The following RBKS variants were observed in gnomAD, a reference collection of about 807,000 sequenced individuals.
RBKS encodes the protein ribokinase.
Under a neutral mutation model 33.9 loss-of-function variants are expected in RBKS, and 33 were observed. The observed-to-expected ratio is 0.97, with a 90% confidence interval of 0.74 to 1.30. RBKS has a LOEUF of 1.30. Ranked by LOEUF, RBKS falls within the 50% of genes most tolerant of loss-of-function variation. The pLI, the probability that RBKS is intolerant of heterozygous loss-of-function variation, is 0.00. For synonymous variants in RBKS, 125 were observed against 143.0 expected (o/e 0.87, Z 0.90); for missense variants, 361 against 392.6 (o/e 0.92, Z 0.68).
At chr2:27,789,921 G>GTGTGTGTATATATATATATGTATA (rs1558532935) in intron 7 of RBKS, among the ~76,000 whole-genome samples, 3 of 127,282 alleles carry the variant, frequency 2.4e-5, no homozygotes, top group Non-Finnish European at 3.3e-5. Flanking sequence ...GTGTGTTTGT[G>GTGTGTGTATATATATATATGTATA]TGTGTATATA....
chr2:27,861,426 C>T (rs1663982056), intron 1 of RBKS: 2 of 465,976 alleles, frequency 4.3e-6, no homozygotes, highest in Non-Finnish European at 8.9e-6. Context: ...ATCTTGCCCA[C>T]TGCACTCCCA....
Position 27,804,377 on chromosome 2 carries a change from C to T in RBKS, c.796-22589G>A, listed in dbSNP as rs929850537. On this transcript the variant is annotated intron_variant, in intron 7 of 7. Coordinates refer to ENST00000302188, the MANE Select transcript of RBKS (RefSeq NM_022128.3). ...ACTCATTAACAGTCACTCCCCATTC[C>T]TCCCAACCATCCACAGGCCTAGGAA... is the stretch of plus-strand genomic sequence containing the variant. 1.3e-4 allele frequency among the ~76,000 whole-genome samples: 20 copies of T among 152,304 alleles called. 1 individual carries two copies. The highest frequency in any genetic ancestry group is 4.1e-4 in the African/African-American group (17 of 41,550).
chr2:27,833,343 T>C (rs921330133), intron 5 of RBKS, among the ~76,000 whole-genome samples: 3 of 152,146 alleles, frequency 2.0e-5, no homozygotes, highest in Admixed American at 6.6e-5. Flanking sequence ...TGCAAACATA[T>C]GCACTTACAC....
At chr2:27,794,493 T>G (rs1318363098) in intron 7 of RBKS, among the ~76,000 whole-genome samples, 1 of 151,892 alleles carries the variant, frequency 6.6e-6, no homozygotes, top group East Asian at 1.9e-4. Flanking sequence ...CGGGGTAGAC[T>G]GAAGTGAAGC....
At chr2:27,807,455 C>A (rs1389923332) in intron 7 of RBKS, among the ~76,000 whole-genome samples, 1 of 152,146 alleles carries the variant, frequency 6.6e-6, no homozygotes, top group African/African-American at 2.4e-5. Flanking sequence ...TCACGGCTCA[C>A]TGCAGCTTTG....
chr2:27,822,530 C>T (rs1340753169), intron 7 of RBKS, among the ~76,000 whole-genome samples: 1 of 152,210 alleles, frequency 6.6e-6, no homozygotes, highest in Non-Finnish European at 1.5e-5. Context: ...ACCTGGGAAA[C>T]CTGCAAGTAA....
Position 27,847,086 on chromosome 2 carries a change from T to G in RBKS, c.305A>C (p.Lys102Thr). The G allele has an allele frequency of 1.9e-6, 3 of 1,602,956 alleles. No homozygotes were observed. Among genetic ancestry groups the G allele is most frequent in the Non-Finnish European group, 2.6e-6 (3 of 1,170,374 alleles). ...DISTEFTYQT[K>T]DAATGTASII... is the part of the protein sequence containing the mutation. The stretch of plus-strand genomic sequence containing the variant: ...AGAAGCAGTTCCTGTAGCAGCATCT[T>G]TAGTCTGATATGTAAATTCTGAAAG... The change falls in exon 4 of 8, where the codon AAA becomes ACA. Residue 102 changes from lysine (K) to threonine (T), a missense_variant. Transcript: ENST00000302188.
rs1161206494 is a variant in RBKS, at chr2:27,783,975, C to CTTTTTT, written c.796-2193_796-2188dup. ...ATTCAACAGCTCTCAGGGTCATTTT[C>CTTTTTT]TTTTTTTTTTTTTTTTTTTTTTTTT... On this transcript the variant is annotated intron_variant, in intron 7 of 7. Coordinates refer to ENST00000302188, the MANE Select transcript of RBKS (RefSeq NM_022128.3). Among the ~76,000 whole-genome samples, 12 of 55,312 alleles carry CTTTTTT rather than the reference C, an allele frequency of 2.2e-4. 3 individuals are homozygous for CTTTTTT. The highest frequency in any genetic ancestry group is 7.7e-4 in the South Asian group (1 of 1,302). The allele number at this position is 55,312 out of a possible 152,430, so 36.3% of individuals were successfully genotyped here. A position where few individuals can be genotyped will look rare whatever the true frequency, so the allele number is the denominator to read the frequency against.
intron 7 of RBKS, among the ~76,000 whole-genome samples, chr2:27,820,459 T>C (rs1190726567): frequency 1.3e-5 from 2 of 152,224 alleles, no homozygotes; most frequent in Admixed American, 6.5e-5. Flanking sequence ...TTTTTGGTTA[T>C]TGCAAACAAA....
Position 27,815,133 on chromosome 2 carries a change from A to G in RBKS, c.795+12434T>C, listed in dbSNP as rs557806281. 2.6e-5 allele frequency among the ~76,000 whole-genome samples: 4 copies of G among 152,224 alleles called. No homozygotes were observed. In the South Asian group the frequency reaches 8.3e-4, roughly 32 times the overall value. On this transcript the variant is annotated intron_variant, in intron 7 of 7. Transcript: ENST00000302188. Reference sequence around the variant, plus strand: ...TTCTATTTCCTTGTCCAACTCCATCAGCAGCAATGGGCATTGAGGGCAGTG... The same window carrying G: ...TTCTATTTCCTTGTCCAACTCCATCGGCAGCAATGGGCATTGAGGGCAGTG...
intron 7 of RBKS, among the ~76,000 whole-genome samples, chr2:27,822,410 T>C (rs919590629): frequency 6.6e-6 from 1 of 152,156 alleles, no homozygotes; most frequent in Non-Finnish European, 1.5e-5. Flanking sequence ...TTTTCAAAGA[T>C]TGAACTGTCA....
rs371699022 is a variant in RBKS at position 27,805,191 on chromosome 2, T to TA, written c.795+22375dup. 4.0e-3 allele frequency among the ~76,000 whole-genome samples: 602 copies of TA among 152,334 alleles called. 4 individuals carry two copies. Among genetic ancestry groups the TA allele is most frequent in the African/African-American group, 0.014 (576 of 41,566 alleles). On this transcript the variant is annotated intron_variant, in intron 7 of 7. Transcript: ENST00000302188. Reference sequence around the variant, plus strand: ...TACACTAACGATAGCTGATGAGGTTTAAAAAATCGCAGAAAAATTCTCATA... The same window carrying TA: ...TACACTAACGATAGCTGATGAGGTTTAAAAAAATCGCAGAAAAATTCTCATA...
intron 1 of RBKS, among the ~76,000 whole-genome samples, chr2:27,877,592 G>A (rs1664338437): frequency 1.3e-5 from 2 of 151,950 alleles, no homozygotes; most frequent in South Asian, 4.2e-4. Context: ...CCCAATAAAA[G>A]TAGTAAGCAT....
At chr2:27,834,683 CCA>C (rs1343811670) in intron 5 of RBKS, among the ~76,000 whole-genome samples, 1 of 152,132 alleles carries the variant, frequency 6.6e-6, no homozygotes, top group Admixed American at 6.6e-5. Flanking sequence ...TATACTGTTC[CCA>C]GTTTTCCTCA....
intron 1 of RBKS, among the ~76,000 whole-genome samples, chr2:27,878,380 A>G (rs1664356834): frequency 1.3e-5 from 2 of 150,472 alleles, no homozygotes; most frequent in South Asian, 4.2e-4. Context: ...TTATGGCTGC[A>G]TAGTATTCCA....
intron 1 of RBKS, among the ~76,000 whole-genome samples, chr2:27,868,582 G>A (rs1432545598): frequency 6.6e-6 from 1 of 152,132 alleles, no homozygotes; most frequent in African/African-American, 2.4e-5. Context: ...TTATATAAGA[G>A]CATAAGAAAC....
intron 1 of RBKS, among the ~76,000 whole-genome samples, chr2:27,867,920 T>C (rs1337271459): frequency 6.6e-6 from 1 of 152,202 alleles, no homozygotes; most frequent in African/African-American, 2.4e-5. Flanking sequence ...ACAAAGTCAT[T>C]TGTCAAAAGT....
chr2:27,797,693 G>A (rs1304995353), intron 7 of RBKS, among the ~76,000 whole-genome samples: 2 of 152,174 alleles, frequency 1.3e-5, no homozygotes, highest in Non-Finnish European at 1.5e-5. Flanking sequence ...TGTGGCAGGA[G>A]CAGAGAACAT....
chr2:27,818,573 T>C (rs1233212033), intron 7 of RBKS, among the ~76,000 whole-genome samples: 3 of 152,182 alleles, frequency 2.0e-5, no homozygotes, highest in East Asian at 1.9e-4. Flanking sequence ...CATGTAACCT[T>C]TGAGAACCAT....
Sources: gnomAD v4.1 joint callset for allele counts (sites outside exome capture counted in the v4.1 genomes callset) on GRCh38, gnomAD v4.1.1 for gene constraint, MANE v1.5 for transcripts, NCBI Gene and HGNC (gene_info 2026-07-23, HGNC 2026-07-21) for gene names.